Variants in HSD17B2 observed in about 807,000 individuals in gnomAD.
The protein encoded by HSD17B2 is hydroxysteroid 17-beta dehydrogenase 2, also known as 17-beta-hydroxysteroid dehydrogenase type 2.
HSD17B2 carries 32 observed loss-of-function variants against 26.9 expected under a neutral mutation model. The ratio of observed to expected loss-of-function variants is 1.19; its 90% CI spans 0.90 to 1.60. HSD17B2 has a LOEUF of 1.60. HSD17B2 is among the 40% of genes most tolerant of loss of function. The pLI is 0.00. For synonymous variants in HSD17B2, 246 were observed against 186.7 expected (o/e 1.32, Z -2.59); for missense variants, 613 against 468.6 (o/e 1.31, Z -2.85).
chr16:82,050,920 T>C (rs1330288834), intron 1 of HSD17B2, among the ~76,000 whole-genome samples: 3 of 152,210 alleles, frequency 2.0e-5, no homozygotes, highest in African/African-American at 7.2e-5. Flanking sequence ...CTCTACTCAC[T>C]GGATGACACA....
At chr16:82,078,519 T>C (rs1031600877) in intron 3 of HSD17B2, among the ~76,000 whole-genome samples, 3 of 152,202 alleles carry the variant, frequency 2.0e-5, no homozygotes, top group African/African-American at 4.8e-5. Context: ...CCGCTAGATA[T>C]GTACCCAAAA....
intron 1 of HSD17B2, among the ~76,000 whole-genome samples, chr16:82,044,151 C>T (rs1913847418): frequency 6.6e-6 from 1 of 152,186 alleles, no homozygotes; most frequent in South Asian, 2.1e-4. Context: ...GCTGTTGACT[C>T]AGAGTTAATA....
intron 1 of HSD17B2, among the ~76,000 whole-genome samples, chr16:82,062,265 C>T (rs11150437): frequency 0.9 from 136,403 of 152,232 alleles, 62,348 homozygotes; most frequent in Non-Finnish European, 0.99. Flanking sequence ...CATTGCCTGT[C>T]CCAAGTTGAT....
At chr16:82,051,456 T>G (rs1002501799) in intron 1 of HSD17B2, among the ~76,000 whole-genome samples, 15 of 151,732 alleles carry the variant, frequency 9.9e-5, no homozygotes, top group African/African-American at 3.6e-4. Flanking sequence ...CTCAGCAAAC[T>G]AACACAGGAA....
chr16:82,048,366 T>G (rs1914001290), intron 1 of HSD17B2, among the ~76,000 whole-genome samples: 1 of 152,174 alleles, frequency 6.6e-6, no homozygotes, highest in South Asian at 2.1e-4. Context: ...TTTCACTGCC[T>G]TGGGGATACC....
chr16:82,046,403 C>T (rs1913929667), intron 1 of HSD17B2, among the ~76,000 whole-genome samples: 2 of 152,076 alleles, frequency 1.3e-5, no homozygotes, highest in South Asian at 4.2e-4. Flanking sequence ...ATTTAATTCT[C>T]ACAAACGCCT....
At chr16:82,081,279 C>T (rs1323762856) in intron 3 of HSD17B2, among the ~76,000 whole-genome samples, 1 of 152,146 alleles carries the variant, frequency 6.6e-6, no homozygotes, top group African/African-American at 2.4e-5. Flanking sequence ...GAAGCTGTTC[C>T]CGCATGAACT....
At chr16:82,062,948 A>T (rs1416238903) in intron 1 of HSD17B2, 2 of 152,236 alleles carry the variant, frequency 1.3e-5, no homozygotes, top group Admixed American at 6.5e-5. Context: ...GCACAGCCTG[A>T]TCTCTAACAT....
rs151214488 is a variant in HSD17B2 at position 82,053,955 on chromosome 16, A to G, written c.266-14215A>G. Among the ~76,000 whole-genome samples, 355 of 152,340 alleles carry G rather than the reference A, an allele frequency of 2.3e-3. 1 individual carries two copies. The highest frequency in any genetic ancestry group is 7.9e-3 in the African/African-American group (327 of 41,582). ...TTGTTCCTGATAATCAAAGTGATTC[A>G]GATATCACTTAAGGTCACCATGCTC... On this transcript the variant is annotated intron_variant, in intron 1 of 4. Coordinates refer to ENST00000199936, the MANE Select transcript of HSD17B2 (RefSeq NM_002153.3).
chr16:82,038,081 G>A (rs886099854), intron 1 of HSD17B2, among the ~76,000 whole-genome samples: 4 of 152,110 alleles, frequency 2.6e-5, no homozygotes, highest in African/African-American at 9.7e-5. Flanking sequence ...AACAGCTAAA[G>A]CTCCTTTTAG....
intron 3 of HSD17B2, chr16:82,072,016 C>G (rs149148068): frequency 1.7e-3 from 266 of 152,264 alleles, no homozygotes; most frequent in African/African-American, 6.0e-3. Flanking sequence ...GTGTTTTGTG[C>G]TTTTTTTGGT....
chr16:82,076,712 C>T (rs1248544773), intron 3 of HSD17B2, among the ~76,000 whole-genome samples: 1 of 152,142 alleles, frequency 6.6e-6, no homozygotes, highest in African/African-American at 2.4e-5. Context: ...GTAGCTGGGA[C>T]TACAGGTGTG....
At chr16:82,045,274 T>G (rs913190447) in intron 1 of HSD17B2, among the ~76,000 whole-genome samples, 2 of 152,106 alleles carry the variant, frequency 1.3e-5, no homozygotes, top group Non-Finnish European at 2.9e-5. Flanking sequence ...ACTGGGCTGT[T>G]TACCCCCAGT....
intron 1 of HSD17B2, among the ~76,000 whole-genome samples, chr16:82,041,989 T>C (rs1913779008): frequency 6.6e-6 from 1 of 151,752 alleles, no homozygotes; most frequent in Admixed American, 6.6e-5. Flanking sequence ...TTCCCTTTCT[T>C]TTCTTTTCTT....
intron 2 of HSD17B2, among the ~76,000 whole-genome samples, chr16:82,070,016 T>C (rs1404002162): frequency 6.6e-6 from 1 of 152,162 alleles, no homozygotes; most frequent in Non-Finnish European, 1.5e-5. Flanking sequence ...TTTACGCCAA[T>C]AACTCCCAAA....
At chr16:82,096,403 T>G (rs1597141819) in intron 4 of HSD17B2, 1 of 151,834 alleles carries the variant, frequency 6.6e-6, no homozygotes, top group Admixed American at 6.6e-5. Flanking sequence ...TTGTATTTTT[T>G]AGTAGACACA....
At chr16:82,036,320 TTG>T (rs10609893) in intron 1 of HSD17B2, among the ~76,000 whole-genome samples, 6,962 of 145,714 alleles carry the variant, frequency 0.048, 383 homozygotes, top group African/African-American at 0.14. Flanking sequence ...TTTCCCTTGT[TTG>T]TGTGTGTGTG....
chr16:82,079,866 C>T (rs2042429), intron 3 of HSD17B2, among the ~76,000 whole-genome samples: 85,602 of 151,970 alleles, frequency 0.56, 24,423 homozygotes, highest in African/African-American at 0.64. Context: ...TTGGCAAAAT[C>T]AATGTAATAG....
At chr16:82,095,916 G>A (rs912638719) in intron 4 of HSD17B2, 26 of 152,274 alleles carry the variant, frequency 1.7e-4, no homozygotes, top group Admixed American at 1.7e-3. Flanking sequence ...AGGAAGGAAT[G>A]TAGAAGGGCA....
Sources: gnomAD v4.1 joint callset for allele counts (sites outside exome capture counted in the v4.1 genomes callset) on GRCh38, gnomAD v4.1.1 for gene constraint, MANE v1.5 for transcripts, NCBI Gene and HGNC (gene_info 2026-07-23, HGNC 2026-07-21) for gene names.